Variants in FGGY observed in about 807,000 individuals in gnomAD.
FGGY encodes the protein FGGY carbohydrate kinase domain-containing protein.
A neutral mutation model predicts 71.3 loss-of-function variants in FGGY; 72 were observed. The ratio of observed to expected loss-of-function variants is 1.01; its 90% CI spans 0.84 to 1.23. FGGY has a LOEUF of 1.23. Among genes scored for constraint, FGGY ranks in the 50% most tolerant of loss-of-function variants. FGGY has a pLI of 0.00. For missense variants in FGGY, 668 were observed against 682.3 expected, an observed-to-expected ratio of 0.98 and a Z score of 0.23; for synonymous variants, 251 against 250.3, an observed-to-expected ratio of 1.00 and a Z score of -0.02.
At chr1:59,699,269 G>A (rs1314317738) in intron 14 of FGGY, 1 of 985,142 alleles carries the variant, frequency 1.0e-6, no homozygotes, top group African/African-American at 1.7e-5. Context: ...GTGAGCCTTT[G>A]AGTTTAAAAG....
At chr1:59,486,034 A>T (rs1050221686) in intron 6 of FGGY, among the ~76,000 whole-genome samples, 1 of 152,158 alleles carries the variant, frequency 6.6e-6, no homozygotes, top group African/African-American at 2.4e-5. Context: ...TAATTATGTT[A>T]GTTGGCCTCT....
chr1:59,552,878 T>G (rs542973977), intron 7 of FGGY, among the ~76,000 whole-genome samples: 2 of 152,302 alleles, frequency 1.3e-5, no homozygotes, highest in East Asian at 3.9e-4. Flanking sequence ...GGGCTATGCA[T>G]GTAAGTAAGA....
intron 8 of FGGY, among the ~76,000 whole-genome samples, chr1:59,564,144 A>C (rs2095839002): frequency 2.0e-5 from 3 of 152,222 alleles, no homozygotes; most frequent in Admixed American, 2.0e-4. Context: ...AGACTTCATG[A>C]CTAAAACACC....
chr1:59,499,040 T>C (rs2094135797), intron 6 of FGGY, among the ~76,000 whole-genome samples: 1 of 152,176 alleles, frequency 6.6e-6, no homozygotes, highest in Admixed American at 6.5e-5. Flanking sequence ...CCCTCCCCTC[T>C]TTAATGCTTC....
chr1:59,302,882 G>A (rs1037649747), intron 1 of FGGY, among the ~76,000 whole-genome samples: 4 of 152,124 alleles, frequency 2.6e-5, no homozygotes, highest in Admixed American at 2.6e-4. Flanking sequence ...GGATTCACTA[G>A]TGAAGCCATC....
intron 5 of FGGY, among the ~76,000 whole-genome samples, chr1:59,420,688 A>G (rs1389219005): frequency 2.6e-5 from 4 of 152,188 alleles, no homozygotes; most frequent in Admixed American, 1.3e-4. Context: ...CCTGGTGTCC[A>G]TTAAGGGAAA....
intron 14 of FGGY, among the ~76,000 whole-genome samples, chr1:59,685,338 G>A (rs1409454289): frequency 6.6e-6 from 1 of 152,044 alleles, no homozygotes; most frequent in East Asian, 1.9e-4. Flanking sequence ...GGGAGCATTA[G>A]CCCTAGGATG....
intron 5 of FGGY, among the ~76,000 whole-genome samples, chr1:59,415,209 T>G (rs1208960789): frequency 1.3e-5 from 2 of 152,170 alleles, no homozygotes; most frequent in Non-Finnish European, 2.9e-5. Context: ...TGAAAATACT[T>G]AAGTGTTTTT....
chr1:59,613,707 A>G (rs563878180), intron 9 of FGGY, among the ~76,000 whole-genome samples: 301 of 152,248 alleles, frequency 2.0e-3, no homozygotes, highest in Non-Finnish European at 3.5e-3. Context: ...ATGCATCCAG[A>G]AGCTGGTTTT....
chr1:59,329,286 T>G (rs1394417338), intron 2 of FGGY, among the ~76,000 whole-genome samples: 1 of 151,852 alleles, frequency 6.6e-6, no homozygotes, highest in African/African-American at 2.4e-5. Flanking sequence ...TACCGTAGTC[T>G]ATTAAGTGTG....
At chr1:59,381,297 A>G (rs2059405916) in intron 5 of FGGY, among the ~76,000 whole-genome samples, 1 of 152,106 alleles carries the variant, frequency 6.6e-6, no homozygotes, top group African/African-American at 2.4e-5. Flanking sequence ...TTCCATGTGA[A>G]CTTTAAAGTA....
intron 5 of FGGY, among the ~76,000 whole-genome samples, chr1:59,418,396 A>G (rs1185040782): frequency 6.6e-6 from 1 of 152,198 alleles, no homozygotes; most frequent in Non-Finnish European, 1.5e-5. Context: ...AAATAAACAC[A>G]AGTTACGTTA....
intron 8 of FGGY, 97 bp from the exon 9 acceptor site, chr1:59,607,706 G>A (rs890021064): frequency 3.4e-6 from 3 of 893,862 alleles, no homozygotes; most frequent in Non-Finnish European, 5.2e-6. Context: ...CATTCAATAA[G>A]AAGCTGAATT....
intron 9 of FGGY, among the ~76,000 whole-genome samples, chr1:59,619,557 A>G (rs2096788799): frequency 6.6e-6 from 1 of 152,022 alleles, no homozygotes; most frequent in African/African-American, 2.4e-5. Flanking sequence ...CAGTGTAAAG[A>G]TTCTGAGAGG....
chr1:59,418,604 G>C (rs2064883046), intron 5 of FGGY, among the ~76,000 whole-genome samples: 2 of 152,304 alleles, frequency 1.3e-5, no homozygotes, highest in South Asian at 4.1e-4. Context: ...AGAGGAGTGG[G>C]GGAAAGTCAT....
chr1:59,441,729 A>C (rs1333522374), intron 5 of FGGY, among the ~76,000 whole-genome samples: 1 of 152,190 alleles, frequency 6.6e-6, no homozygotes, highest in Admixed American at 6.5e-5. Context: ...AGCAAGGAGG[A>C]TATCTTACTC....
At position 59,652,841 on chromosome 1, in the gene FGGY, T is replaced by G. The variant is rs892470972; in HGVS notation, c.1222-7378T>G. 3.5e-3 allele frequency among the ~76,000 whole-genome samples: 536 copies of G among 152,098 alleles called. 4 individuals carry two copies. Among genetic ancestry groups the G allele is most frequent in the African/African-American group, 0.012 (511 of 41,464 alleles). On this transcript the variant is annotated intron_variant, in intron 11 of 15. Transcript: ENST00000303721. ...GAGGAGAGACGCTCTGCGTTTTAGA[T>G]TTTCCAGTTTTTCTGTTCTGTTTTT... is the stretch of plus-strand genomic sequence containing the variant.
chr1:59,434,709 C>T lies in FGGY; in HGVS notation c.555-22252C>T, dbSNP rs568812984. 3.9e-5 allele frequency among the ~76,000 whole-genome samples: 6 copies of T among 152,208 alleles called. No homozygotes were observed. The East Asian group carries it at 5.8e-4, about 15-fold the overall frequency. On this transcript the variant is annotated intron_variant, in intron 5 of 15. Coordinates refer to ENST00000303721, the MANE Select transcript of FGGY (RefSeq NM_018291.5). ...CCATCTCCTCTGTGTCCTCAAAAGACGGGAGGAGTAAATGAGCTTTCTGGG... is the reference window on the plus strand; with the variant it reads ...CCATCTCCTCTGTGTCCTCAAAAGATGGGAGGAGTAAATGAGCTTTCTGGG...
intron 7 of FGGY, among the ~76,000 whole-genome samples, chr1:59,545,904 C>T (rs1299520258): frequency 6.6e-6 from 1 of 152,188 alleles, no homozygotes; most frequent in Non-Finnish European, 1.5e-5. Flanking sequence ...AAATGCTAGC[C>T]TGGGTTATAC....
Sources: allele counts gnomAD v4.1 joint callset (sites outside exome capture counted in the v4.1 genomes callset), GRCh38; gene constraint gnomAD v4.1.1; transcripts MANE v1.5; gene names NCBI Gene and HGNC (gene_info 2026-07-23, HGNC 2026-07-21).